The following CAMK1G variants were observed in gnomAD, a reference collection of about 807,000 sequenced individuals.
The protein encoded by CAMK1G is calcium/calmodulin-dependent protein kinase type 1G.
In CAMK1G, 27 loss-of-function variants were observed where a neutral mutation model predicts 54.8. The ratio of observed to expected loss-of-function variants is 0.49; its 90% CI spans 0.36 to 0.68. The LOEUF is 0.68. Among genes scored for constraint, CAMK1G ranks in the 30% least tolerant of loss-of-function variants. CAMK1G has a pLI of 0.00. For synonymous variants in CAMK1G, 238 were observed against 224.9 expected (o/e 1.06, Z -0.52); for missense variants, 512 against 591.0 (o/e 0.87, Z 1.39).
At position 209,606,323 on chromosome 1, in the gene CAMK1G, G is replaced by C; in HGVS notation, c.439G>C (p.Glu147Gln). 1 of 1,613,722 alleles carries C rather than the reference G, an allele frequency of 6.2e-7. No individual in the cohort carries two copies. Among genetic ancestry groups the C allele is most frequent in the Non-Finnish European group, 8.5e-7 (1 of 1,179,780 alleles). ...CTACATATTTTTTCTCCTACAGCCCGAAAACCTGCTTTACCTTACCCCTGA... is the reference window on the plus strand; with the variant it reads ...CTACATATTTTTTCTCCTACAGCCCCAAAACCTGCTTTACCTTACCCCTGA... ...NGIVHRDLKP[E>Q]NLLYLTPEEN... is the part of the protein sequence containing the mutation. The change falls in exon 6 of 13, where the codon GAA becomes CAA. Residue 147 changes from glutamate (E) to glutamine (Q), a missense_variant. By Grantham distance (29) the Glu-to-Gln change is conservative (BLOSUM62 2). This residue lies in a region of CAMK1G where 186 missense variants were observed against 231.5 expected (regional missense o/e 0.80). Transcript: ENST00000361322.
At chr1:209,597,286 A>G (rs767179939) in intron 2 of CAMK1G, among the ~76,000 whole-genome samples, 11 of 152,246 alleles carry the variant, frequency 7.2e-5, no homozygotes, top group Non-Finnish European at 1.3e-4. Flanking sequence ...GTTGCACTGC[A>G]CAACCTGCCC....
rs762056635 is a variant in CAMK1G at position 209,612,113 on chromosome 1, GCC to G, written c.1238_1239del (p.Ala413GlyfsTer23). 38 of 1,614,072 alleles carry G rather than the reference GCC, an allele frequency of 2.4e-5. No homozygotes were observed. Among genetic ancestry groups the G allele is most frequent in the Non-Finnish European group, 2.8e-5 (33 of 1,179,994 alleles). On this transcript the variant is annotated frameshift_variant, in exon 11 of 13. Coordinates refer to ENST00000361322, the MANE Select transcript of CAMK1G (RefSeq NM_020439.3). LOFTEE classifies it high-confidence loss of function. ...LVPMHQGSLAAGPCGCCSSCL... is the reference protein window; with the variant it reads ...LVPMHQGSLAXGPCGCCSSCL... ...GCCCATGCATCAGGGGTCCCTGGCC[GCC>G]GGGCCCTGTGGCTGCTGCTCCAGCT...
At chr1:209,602,050 T>C (rs377289115) in intron 3 of CAMK1G, among the ~76,000 whole-genome samples, 3 of 152,292 alleles carry the variant, frequency 2.0e-5, no homozygotes, top group East Asian at 3.9e-4. Flanking sequence ...CATTGCTGCC[T>C]GGCAAGCCGA....
intron 1 of CAMK1G, among the ~76,000 whole-genome samples, chr1:209,588,274 A>G (rs1304264185): frequency 6.6e-6 from 1 of 152,174 alleles, no homozygotes; most frequent in African/African-American, 2.4e-5. Flanking sequence ...GTCCATGCCC[A>G]GTTTAGGAAC....
chr1:209,603,342 C>T (rs1665572780), intron 4 of CAMK1G, 54 bp downstream of exon 4: 9 of 1,457,486 alleles, frequency 6.2e-6, no homozygotes, highest in Middle Eastern at 1.7e-4. Context: ...GCCTGGGAGG[C>T]CTACAGGAGG....
chr1:209,595,090 T>A lies in CAMK1G; in HGVS notation c.92+15T>A, dbSNP rs752573175. On this transcript the variant is annotated intron_variant, in intron 2 of 12. Coordinates refer to ENST00000361322, the MANE Select transcript of CAMK1G (RefSeq NM_020439.3). ...GTGCTGGGATCGTAAGTCCTGGGGC[T>A]GTGAGGTCGGGTGGGCTGGGCTGCC... 14 of 1,605,330 alleles carry A rather than the reference T, an allele frequency of 8.7e-6. No individual in the cohort carries two copies. In the African/African-American group the frequency reaches 1.7e-4, roughly 20 times the overall value.
intron 6 of CAMK1G, 150 bp from the exon 7 acceptor site, chr1:209,607,708 G>A (rs1571785239): frequency 3.1e-6 from 2 of 641,320 alleles, no homozygotes; most frequent in Non-Finnish European, 5.6e-6. Flanking sequence ...AAGAGACACA[G>A]CCCCTACCCT....
At chr1:209,605,946 C>A (rs1249002026) in intron 5 of CAMK1G, among the ~76,000 whole-genome samples, 1 of 152,188 alleles carries the variant, frequency 6.6e-6, no homozygotes. Flanking sequence ...AGTCAAAACC[C>A]AATGCAACAA....
rs762527676 is a variant in CAMK1G at position 209,600,081 on chromosome 1, G to T, written c.191G>T (p.Ser64Ile). 3 of 1,613,916 alleles carry T rather than the reference G, an allele frequency of 1.9e-6. No individual in the cohort carries two copies. In the South Asian group the frequency reaches 3.3e-5, roughly 18 times the overall value. Residue 64 changes from serine (S) to isoleucine (I), a missense_variant, in exon 3 of 13, where the codon AGC (serine) becomes ATC (isoleucine). Physicochemically the swap from Ser to Ile is moderately radical, Grantham distance 142. Transcript: ENST00000361322. Reference sequence around the variant, plus strand: ...AAGTCACCTGCCTTCCGGGACAGCAGCCTGGAGAATGAGATTGCTGTGTTG... The same window carrying T: ...AAGTCACCTGCCTTCCGGGACAGCATCCTGGAGAATGAGATTGCTGTGTTG... ...IKKSPAFRDS[S>I]LENEIAVLKK...
chr1:209,611,432 C>A lies in CAMK1G; in HGVS notation c.828-33C>A, dbSNP rs147268106. The A allele has an allele frequency of 3.1e-6, 5 of 1,607,478 alleles. No individual in the cohort carries two copies. In the South Asian group the frequency reaches 3.3e-5, roughly 11 times the overall value. The stretch of plus-strand genomic sequence containing the variant: ...TCCCTGGATGAGTGTAAATAGCCAC[C>A]CAGTAGCCAGGTGTCCCCTCTTACA... On this transcript the variant is annotated intron_variant, in intron 9 of 12. Transcript: ENST00000361322.
At chr1:209,594,825 G>A (rs931001414) in intron 1 of CAMK1G, 130 bp from the exon 2 acceptor site, 1 of 589,906 alleles carries the variant, frequency 1.7e-6, no homozygotes, top group Non-Finnish European at 3.0e-6. Context: ...CAGTTATCCA[G>A]GTTTGCTCCT....
At chr1:209,592,434 T>C (rs981277412) in intron 1 of CAMK1G, among the ~76,000 whole-genome samples, 2 of 151,142 alleles carry the variant, frequency 1.3e-5, no homozygotes, top group Non-Finnish European at 2.9e-5. Flanking sequence ...CAGCTGACTC[T>C]CATGAGCTGA....
intron 1 of CAMK1G, among the ~76,000 whole-genome samples, chr1:209,587,254 G>A (rs1665126022): frequency 6.6e-6 from 1 of 152,044 alleles, no homozygotes; most frequent in Admixed American, 6.5e-5. Flanking sequence ...ACACCACAAG[G>A]AGGGTGAAAC....
intron 1 of CAMK1G, among the ~76,000 whole-genome samples, chr1:209,594,511 A>G (rs1250510724): frequency 6.6e-6 from 1 of 152,264 alleles, no homozygotes; most frequent in African/African-American, 2.4e-5. Flanking sequence ...CATTTAACCC[A>G]TAACAGGTGG....
At chr1:209,604,931 C>T (rs1390138361) in intron 4 of CAMK1G, among the ~76,000 whole-genome samples, 1 of 152,070 alleles carries the variant, frequency 6.6e-6, no homozygotes, top group Non-Finnish European at 1.5e-5. Flanking sequence ...CACTAGAAAA[C>T]TTCTAGGCAA....
rs543114275 is a variant in CAMK1G, at chr1:209,597,577, T to C, written c.93-2406T>C. Among the ~76,000 whole-genome samples the C allele has an allele frequency of 1.8e-3, 274 of 152,352 alleles. 1 individual carries two copies. Among genetic ancestry groups the C allele is most frequent in the African/African-American group, 6.2e-3 (256 of 41,592 alleles). ...CACTCACCTTTTAATTTCCAGTGTC[T>C]AATACTCAGTAGGTGTTCAATAAAT... On this transcript the variant is annotated intron_variant, in intron 2 of 12. Transcript: ENST00000361322.
intron 2 of CAMK1G, among the ~76,000 whole-genome samples, chr1:209,596,661 CCACA>C (rs55936082): frequency 0.037 from 5,422 of 148,144 alleles, 108 homozygotes; most frequent in African/African-American, 0.053. Flanking sequence ...CACACACACA[CCACA>C]CACACACACA....
intron 2 of CAMK1G, among the ~76,000 whole-genome samples, chr1:209,597,072 G>A (rs1311540851): frequency 6.6e-6 from 1 of 152,236 alleles, no homozygotes. Context: ...AGACATCTCA[G>A]TGGTGCTCAG....
At chr1:209,599,834 C>A in intron 2 of CAMK1G, 149 bp from the exon 3 acceptor site, 1 of 913,024 alleles carries the variant, frequency 1.1e-6, no homozygotes, top group Non-Finnish European at 1.6e-6. Context: ...TTGTGCTTTC[C>A]TGATGTTTCT....
Sources: gnomAD v4.1 joint callset for allele counts (sites outside exome capture counted in the v4.1 genomes callset) on GRCh38, gnomAD v4.1.1 for gene constraint, gnomAD v4.1.1 regional missense constraint, MANE v1.5 for transcripts, NCBI Gene and HGNC (gene_info 2026-07-23, HGNC 2026-07-21) for gene names.